The following ST7 variants were observed in gnomAD, a reference collection of about 807,000 sequenced individuals.
ST7 encodes suppressor of tumorigenicity 7 protein.
Under a neutral mutation model 78.7 loss-of-function variants are expected in ST7, and 28 were observed. The observed-to-expected ratio is 0.36, with a 90% CI of 0.26 to 0.49. ST7 has a LOEUF of 0.49. ST7 is among the 20% of genes least tolerant of loss of function. The pLI, the probability that ST7 is intolerant of heterozygous loss-of-function variation, is 0.99. For synonymous variants in ST7, 247 were observed against 249.6 expected (o/e 0.99, Z 0.10); for missense variants, 418 against 696.0 (o/e 0.60, Z 4.49).
intron 9 of ST7, among the ~76,000 whole-genome samples, chr7:117,159,050 C>G: frequency 6.6e-6 from 1 of 152,142 alleles, no homozygotes; most frequent in East Asian, 1.9e-4. Context: ...GCCTTTCTCA[C>G]TCAAGGAACA....
chr7:117,187,581 G>A (rs992701663), intron 10 of ST7: 2 of 152,122 alleles, frequency 1.3e-5, no homozygotes, highest in African/African-American at 4.8e-5. Context: ...GGAACACCTC[G>A]AATGTATCTT....
intron 1 of ST7, among the ~76,000 whole-genome samples, chr7:117,075,562 A>C (rs768534839): frequency 1.3e-5 from 2 of 152,164 alleles, no homozygotes; most frequent in South Asian, 4.1e-4. Context: ...AGATGGAAAG[A>C]TGTGTTTGTT....
At chr7:117,229,686 C>T (rs867817525) in intron 15 of ST7, 76 bp from the exon 16 acceptor site, 14 of 1,175,094 alleles carry the variant, frequency 1.2e-5, no homozygotes, top group East Asian at 4.7e-5. Context: ...AAGCTGCAAG[C>T]GTGGGTGGAG....
chr7:117,038,593 A>G (rs962490816), intron 1 of ST7, among the ~76,000 whole-genome samples: 1 of 152,250 alleles, frequency 6.6e-6, no homozygotes, highest in Non-Finnish European at 1.5e-5. Flanking sequence ...CTGTAAAGGT[A>G]AATGAGACAG....
chr7:117,192,733 G>GTCATT (rs1809909519), intron 12 of ST7, among the ~76,000 whole-genome samples: 1 of 152,058 alleles, frequency 6.6e-6, no homozygotes, highest in Non-Finnish European at 1.5e-5. Flanking sequence ...GATTGAAGTA[G>GTCATT]TCATTTAATG....
chr7:117,114,457 G>T (rs1449867819), intron 2 of ST7, among the ~76,000 whole-genome samples: 1 of 151,868 alleles, frequency 6.6e-6, no homozygotes, highest in African/African-American at 2.4e-5. Flanking sequence ...CTTGGAGCAG[G>T]TGTTGATTTG....
At chr7:116,954,988 G>C (rs909325113) in intron 1 of ST7, 19 of 361,204 alleles carry the variant, frequency 5.3e-5, no homozygotes, top group African/African-American at 3.2e-4. Flanking sequence ...CCTCGGGATC[G>C]TGTCCCTGGG....
chr7:117,067,238 A>C (rs1179181670), intron 1 of ST7, among the ~76,000 whole-genome samples: 3 of 151,828 alleles, frequency 2.0e-5, no homozygotes, highest in Non-Finnish European at 2.9e-5. Context: ...TGTGTTTTCA[A>C]TCCTTGTGAG....
At chr7:117,117,560 G>C (rs1802988086) in intron 2 of ST7, among the ~76,000 whole-genome samples, 2 of 152,108 alleles carry the variant, frequency 1.3e-5, no homozygotes, top group African/African-American at 4.8e-5. Flanking sequence ...CTTGTTGAGT[G>C]GTCAGGATTG....
At chr7:117,036,310 G>A (rs1182546268) in intron 1 of ST7, among the ~76,000 whole-genome samples, 1 of 152,202 alleles carries the variant, frequency 6.6e-6, no homozygotes, top group African/African-American at 2.4e-5. Context: ...CAAGTGACTG[G>A]CTGTCAGCCC....
At chr7:117,228,225 G>A (rs2116239148) in intron 15 of ST7, among the ~76,000 whole-genome samples, 1 of 152,294 alleles carries the variant, frequency 6.6e-6, no homozygotes, top group East Asian at 1.9e-4. Context: ...TCAACAGAAT[G>A]GATTCTCTCC....
intron 1 of ST7, among the ~76,000 whole-genome samples, chr7:117,041,369 T>C (rs1323318302): frequency 1.3e-5 from 2 of 152,168 alleles, no homozygotes; most frequent in East Asian, 3.8e-4. Flanking sequence ...CAAAAAACCA[T>C]GTTACAGTCA....
intron 2 of ST7, among the ~76,000 whole-genome samples, chr7:117,117,211 G>A (rs938293737): frequency 3.9e-5 from 6 of 152,102 alleles, no homozygotes; most frequent in East Asian, 3.9e-4. Context: ...CCTTTTTAGC[G>A]CTGACACTTT....
chr7:116,953,672 C>A lies in ST7; in HGVS notation c.132C>A (p.Ile44=). The part of the protein sequence containing the change: ...LVYILRVPLK[I]NDNLSTVSMF... ...ACATCCTGCGGGTGCCTTTGAAAAT[C>A]AACGACAACTTGAGCACAGGTAAGG... Residue 44 remains isoleucine, a synonymous_variant, in exon 1 of 16, where the codon ATC becomes ATA. Coordinates refer to ENST00000323984, the MANE Select transcript of ST7 (RefSeq NM_001369598.1). 1 of 1,497,088 alleles carries A rather than the reference C, an allele frequency of 6.7e-7. No individual in the cohort carries two copies. Among genetic ancestry groups the A allele is most frequent in the Non-Finnish European group, 9.0e-7 (1 of 1,109,990 alleles). 92.7% of individuals were successfully genotyped at this position (1,497,088 alleles called of 1,614,324 possible). A position where few individuals can be genotyped will look rare whatever the true frequency, so the allele number is the denominator to read the frequency against.
At chr7:117,097,908 A>ATATATATATATTTTT in intron 1 of ST7, among the ~76,000 whole-genome samples, 1 of 30,012 alleles carries the variant, frequency 3.3e-5, no homozygotes, top group Non-Finnish European at 5.4e-5. Flanking sequence ...ATATATATAT[A>ATATATATATATTTTT]TTTTTTTTTT....
chr7:117,023,638 G>A (rs567833737), intron 1 of ST7, among the ~76,000 whole-genome samples: 5 of 152,254 alleles, frequency 3.3e-5, no homozygotes, highest in Admixed American at 1.3e-4. Flanking sequence ...TGGGAGTAGC[G>A]TGTCTGCTCT....
intron 1 of ST7, among the ~76,000 whole-genome samples, chr7:116,963,527 G>C (rs1337033357): frequency 6.6e-6 from 1 of 152,136 alleles, no homozygotes; most frequent in Non-Finnish European, 1.5e-5. Context: ...AGCAAAGTAA[G>C]GCAACATTTA....
intron 10 of ST7, among the ~76,000 whole-genome samples, chr7:117,183,241 C>T (rs891137352): frequency 4.6e-5 from 7 of 151,892 alleles, no homozygotes; most frequent in Non-Finnish European, 8.8e-5. Context: ...CCTTGGCCAA[C>T]GTGGTGAAAC....
intron 2 of ST7, among the ~76,000 whole-genome samples, chr7:117,118,704 G>A (rs1803111842): frequency 6.6e-6 from 1 of 152,132 alleles, no homozygotes; most frequent in Admixed American, 6.5e-5. Flanking sequence ...AAAAAGATGT[G>A]GGGGAGAACC....
Sources: gnomAD v4.1 joint callset for allele counts (sites outside exome capture counted in the v4.1 genomes callset) on GRCh38, gnomAD v4.1.1 for gene constraint, MANE v1.5 for transcripts, NCBI Gene and HGNC (gene_info 2026-07-23, HGNC 2026-07-21) for gene names.